SEM1: variants seen among roughly 807,000 people sequenced by gnomAD.
SEM1 encodes 26S proteasome complex subunit SEM1.
SEM1 carries 3 observed loss-of-function variants against 12.7 expected under a neutral mutation model. That is an observed-to-expected ratio of 0.24 (90% CI 0.11 to 0.61). The LOEUF (loss-of-function observed/expected upper bound fraction) is 0.61. SEM1 is among the 20% of genes least tolerant of loss of function. The pLI is 0.88. For synonymous variants in SEM1, 30 were observed against 27.8 expected, an observed-to-expected ratio of 1.08 and a Z score of -0.25; for missense variants, 59 against 81.3, an observed-to-expected ratio of 0.73 and a Z score of 1.06.
At chr7:96,519,691 G>A (rs1055993675) in intron 2 of SEM1, among the ~76,000 whole-genome samples, 2 of 152,056 alleles carry the variant, frequency 1.3e-5, no homozygotes, top group Non-Finnish European at 2.9e-5. Context: ...AAAGTTTCCT[G>A]TGTTTAGACA....
intron 2 of SEM1, among the ~76,000 whole-genome samples, chr7:96,627,798 A>T (rs935820299): frequency 6.6e-6 from 1 of 152,024 alleles, no homozygotes; most frequent in African/African-American, 2.4e-5. Flanking sequence ...GTCTATAGTA[A>T]AAATTAAGTC....
At chr7:96,531,106 T>C (rs1804627619) in intron 2 of SEM1, among the ~76,000 whole-genome samples, 1 of 152,088 alleles carries the variant, frequency 6.6e-6, no homozygotes, top group African/African-American at 2.4e-5. Flanking sequence ...ATGTTGGAGA[T>C]ATTATTATGG....
At chr7:96,493,706 A>T (rs533258460) in intron 1 of SEM1, among the ~76,000 whole-genome samples, 1 of 152,192 alleles carries the variant, frequency 6.6e-6, no homozygotes, top group African/African-American at 2.4e-5. Context: ...AAGGTAGTAA[A>T]TGAATTGATT....
chr7:96,676,689 A>C (rs1212863083), intron 2 of SEM1, among the ~76,000 whole-genome samples: 2 of 152,136 alleles, frequency 1.3e-5, no homozygotes, highest in African/African-American at 4.8e-5. Flanking sequence ...CAACCTCTTC[A>C]ATTTTCCCAT....
At position 96,511,394 on chromosome 7, in the gene SEM1, G is replaced by A. The variant is rs557777784; in HGVS notation, c.171-4696C>T. 1.5e-4 allele frequency among the ~76,000 whole-genome samples: 23 copies of A among 152,236 alleles called. No homozygotes were observed. The South Asian group carries it at 1.9e-3, about 12-fold the overall frequency. On this transcript the variant is annotated intron_variant and NMD_transcript_variant, in intron 2 of 3. Transcript: ENST00000466986. ...AATTTAATAAAGATTCCAAGAGAGA[G>A]ATTCTTTTTGATTGAAGAATTATGA...
chr7:96,585,436 C>A (rs183055942), intron 2 of SEM1, among the ~76,000 whole-genome samples: 6,306 of 148,558 alleles, frequency 0.042, 337 homozygotes, highest in Admixed American at 0.14. Context: ...CTGTGCCCTG[C>A]CCCCAGAGGT....
intron 2 of SEM1, among the ~76,000 whole-genome samples, chr7:96,532,911 T>C (rs1412745317): frequency 6.6e-6 from 1 of 152,082 alleles, no homozygotes; most frequent in Non-Finnish European, 1.5e-5. Context: ...GACTCTGTGG[T>C]ATTGGTTAAT....
intron 2 of SEM1, among the ~76,000 whole-genome samples, chr7:96,583,533 C>G (rs545401111): frequency 1.3e-5 from 2 of 149,546 alleles, no homozygotes; most frequent in South Asian, 4.5e-4. Flanking sequence ...TCCTTGTTGA[C>G]TTTCTGTCTT....
chr7:96,673,788 C>A, exon 3 of SEM1: 1 of 765,262 alleles, frequency 1.3e-6, no homozygotes, highest in Non-Finnish European at 2.4e-6. Context: ...ACTGCACATT[C>A]TTCCCTTTTG....
chr7:96,529,484 A>T (rs1232922855), intron 2 of SEM1, among the ~76,000 whole-genome samples: 1 of 152,080 alleles, frequency 6.6e-6, no homozygotes, highest in Non-Finnish European at 1.5e-5. Context: ...TTCATCTCAA[A>T]CTAAAAATCA....
At chr7:96,658,560 A>G (rs1809260201) in intron 2 of SEM1, among the ~76,000 whole-genome samples, 1 of 152,204 alleles carries the variant, frequency 6.6e-6, no homozygotes, top group African/African-American at 2.4e-5. Flanking sequence ...TGTGCATAGG[A>G]GCCATGCAAT....
At chr7:96,690,357 T>C (rs1264672606) in intron 2 of SEM1, among the ~76,000 whole-genome samples, 1 of 152,114 alleles carries the variant, frequency 6.6e-6, no homozygotes, top group Non-Finnish European at 1.5e-5. Flanking sequence ...GGGAGGTGGC[T>C]GGTCACTAAC....
chr7:96,509,583 A>G (rs1473103407), intron 2 of SEM1, among the ~76,000 whole-genome samples: 2 of 152,142 alleles, frequency 1.3e-5, no homozygotes, highest in East Asian at 1.9e-4. Context: ...CTAAACTACA[A>G]TTTGGACATC....
chr7:96,489,956 A>T (rs1287731962), intron 1 of SEM1, among the ~76,000 whole-genome samples: 1 of 152,028 alleles, frequency 6.6e-6, no homozygotes, highest in Non-Finnish European at 1.5e-5. Context: ...TTCTGAGTAA[A>T]GTCATGTTCT....
At chr7:96,573,559 G>T (rs1479805465) in intron 2 of SEM1, among the ~76,000 whole-genome samples, 1 of 152,110 alleles carries the variant, frequency 6.6e-6, no homozygotes, top group African/African-American at 2.4e-5. Flanking sequence ...ATTCTGGGTT[G>T]AAAATTCTTT....
intron 1 of SEM1, among the ~76,000 whole-genome samples, chr7:96,492,492 C>T (rs993187726): frequency 6.6e-6 from 1 of 152,032 alleles, no homozygotes; most frequent in Non-Finnish European, 1.5e-5. Context: ...TCACTGGAGC[C>T]TTGACCTCCC....
At chr7:96,692,557 TA>T (rs1316955605) in intron 2 of SEM1, among the ~76,000 whole-genome samples, 1 of 151,964 alleles carries the variant, frequency 6.6e-6, no homozygotes, top group African/African-American at 2.4e-5. Flanking sequence ...TTGAAGGACA[TA>T]AAACAAAGAC....
chr7:96,495,155 GATTA>G (rs1184197332), intron 1 of SEM1, among the ~76,000 whole-genome samples: 1 of 152,120 alleles, frequency 6.6e-6, no homozygotes, highest in Non-Finnish European at 1.5e-5. Flanking sequence ...TGAAATATAA[GATTA>G]ATTAAAGACA....
chr7:96,679,171 A>G (rs1007913823), intron 2 of SEM1, among the ~76,000 whole-genome samples: 1 of 152,134 alleles, frequency 6.6e-6, no homozygotes, highest in Non-Finnish European at 1.5e-5. Context: ...AATTGTTGAA[A>G]GATAGTAAAA....
Sources: allele counts gnomAD v4.1 joint callset (sites outside exome capture counted in the v4.1 genomes callset), GRCh38; gene constraint gnomAD v4.1.1; transcripts MANE v1.5; gene names NCBI Gene and HGNC (gene_info 2026-07-23, HGNC 2026-07-21).